The following NRXN1 variants were observed in gnomAD, a reference collection of about 807,000 sequenced individuals.
NRXN1 encodes the protein neurexin 1, also known as neurexin-1.
In NRXN1, 39 loss-of-function variants were observed where a neutral mutation model predicts 150.9. The ratio of observed to expected loss-of-function variants is 0.26; its 90% CI spans 0.20 to 0.34. The LOEUF is 0.34. Ranked by LOEUF, NRXN1 falls within the 10% of genes least tolerant of loss-of-function variation. NRXN1 has a pLI of 1.00. For synonymous variants in NRXN1, 924 were observed against 757.0 expected (o/e 1.22, Z -3.62); for missense variants, 1,815 against 1,949.9 (o/e 0.93, Z 1.30).
intron 17 of NRXN1, among the ~76,000 whole-genome samples, chr2:50,404,121 T>C (rs1300004567): frequency 6.6e-6 from 1 of 151,854 alleles, no homozygotes; most frequent in Non-Finnish European, 1.5e-5. Context: ...ACACCCTCTG[T>C]TGTGTCTTCT....
rs147573947 is a variant in NRXN1, at chr2:50,152,128, G to A, written c.3547-60634C>T. Among the ~76,000 whole-genome samples, 428 of 151,464 alleles carry A rather than the reference G, an allele frequency of 2.8e-3. 2 individuals carry two copies. Among genetic ancestry groups the A allele is most frequent in the Non-Finnish European group, 4.8e-3 (327 of 67,716 alleles). On this transcript the variant is annotated intron_variant, in intron 18 of 22. Coordinates refer to ENST00000401669, the MANE Select transcript of NRXN1 (RefSeq NM_001330078.2). ...AAGTGCACTCATATTGTTGTACAAC[G>A]GTCACCACCATGCATCTCAATAACT...
chr2:51,000,660 T>A (rs940559460), intron 2 of NRXN1, among the ~76,000 whole-genome samples: 4 of 151,956 alleles, frequency 2.6e-5, no homozygotes, highest in African/African-American at 7.2e-5. Flanking sequence ...AGTGAAGAAG[T>A]AGAAATAACA....
At chr2:50,100,547 C>G (rs1343209925) in intron 18 of NRXN1, among the ~76,000 whole-genome samples, 1 of 151,990 alleles carries the variant, frequency 6.6e-6, no homozygotes, top group East Asian at 1.9e-4. Context: ...AAAGCCAATA[C>G]TGGATTATTC....
At chr2:50,574,493 A>G (rs112805277) in intron 8 of NRXN1, among the ~76,000 whole-genome samples, 70 of 152,242 alleles carry the variant, frequency 4.6e-4, no homozygotes, top group African/African-American at 1.6e-3. Flanking sequence ...TTTCCTATGC[A>G]GGCAAAATCA....
intron 2 of NRXN1, among the ~76,000 whole-genome samples, chr2:50,979,714 CTG>C (rs533301800): frequency 1.1e-3 from 164 of 152,234 alleles, no homozygotes; most frequent in African/African-American, 3.9e-3. Flanking sequence ...ACTGAACACA[CTG>C]TACTTTCTCA....
chr2:50,299,076 T>C (rs1426982817), intron 17 of NRXN1, among the ~76,000 whole-genome samples: 6 of 152,156 alleles, frequency 3.9e-5, no homozygotes, highest in African/African-American at 7.2e-5. Context: ...TTTGGGGAAT[T>C]GGGCTACATA....
intron 21 of NRXN1, among the ~76,000 whole-genome samples, chr2:50,013,265 TAA>T (rs561290943): frequency 8.0e-4 from 100 of 125,304 alleles, no homozygotes; most frequent in East Asian, 4.1e-3. Context: ...ATATTACTAT[TAA>T]AGTTTCTTTT....
At chr2:50,864,059 CAG>C (rs148196501) in intron 5 of NRXN1, among the ~76,000 whole-genome samples, 2 of 152,094 alleles carry the variant, frequency 1.3e-5, no homozygotes, top group East Asian at 3.9e-4. Context: ...CTCCGCTGTG[CAG>C]AGATTTTCCG....
intron 17 of NRXN1, among the ~76,000 whole-genome samples, chr2:50,378,011 A>T (rs2080654250): frequency 6.6e-6 from 1 of 152,168 alleles, no homozygotes; most frequent in African/African-American, 2.4e-5. Context: ...GACTCTAGGC[A>T]TCTGCCAAGA....
intron 17 of NRXN1, among the ~76,000 whole-genome samples, chr2:50,282,350 G>C (rs2071572004): frequency 6.6e-6 from 1 of 152,116 alleles, no homozygotes; most frequent in African/African-American, 2.4e-5. Flanking sequence ...ATTAATCACA[G>C]CCTCAAACTA....
chr2:50,277,415 T>TCCTTCCTTCCTCCCTC (rs2152928497), intron 17 of NRXN1, among the ~76,000 whole-genome samples: 1 of 150,518 alleles, frequency 6.6e-6, no homozygotes, highest in Non-Finnish European at 1.5e-5. Context: ...CTCCTTCCCT[T>TCCTTCCTTCCTCCCTC]CCTTCCTTCC....
At chr2:50,898,978 A>G (rs932927776) in intron 5 of NRXN1, among the ~76,000 whole-genome samples, 12 of 152,066 alleles carry the variant, frequency 7.9e-5, no homozygotes, top group African/African-American at 2.9e-4. Context: ...AGATGACTCA[A>G]AGAAATACCT....
At chr2:50,404,433 T>C (rs186433269) in intron 17 of NRXN1, among the ~76,000 whole-genome samples, 1 of 152,202 alleles carries the variant, frequency 6.6e-6, no homozygotes, top group East Asian at 1.9e-4. Context: ...ACTGAGTTTT[T>C]AGGAAAGACA....
At chr2:50,636,412 G>T (rs1573910310) in intron 5 of NRXN1, among the ~76,000 whole-genome samples, 1 of 152,114 alleles carries the variant, frequency 6.6e-6, no homozygotes, top group Non-Finnish European at 1.5e-5. Context: ...GTCAGACTAA[G>T]TGATCTCCAA....
intron 17 of NRXN1, among the ~76,000 whole-genome samples, chr2:50,423,479 G>T (rs991282211): frequency 1.3e-5 from 2 of 151,914 alleles, no homozygotes; most frequent in Non-Finnish European, 1.5e-5. Context: ...CAAACACAAA[G>T]AAGTCACCTT....
At chr2:50,623,156 C>T (rs987894797) in intron 6 of NRXN1, among the ~76,000 whole-genome samples, 158 bp downstream of exon 6, 5 of 152,070 alleles carry the variant, frequency 3.3e-5, no homozygotes, top group African/African-American at 1.2e-4. Flanking sequence ...TATGCCCCTG[C>T]TCAAGTATGG....
At chr2:50,765,930 A>G (rs1396678773) in intron 5 of NRXN1, among the ~76,000 whole-genome samples, 1 of 152,034 alleles carries the variant, frequency 6.6e-6, no homozygotes, top group South Asian at 2.1e-4. Context: ...GAGAAACTAT[A>G]GTGAAAAGTC....
At chr2:50,715,768 T>C (rs1474159469) in intron 5 of NRXN1, among the ~76,000 whole-genome samples, 1 of 152,138 alleles carries the variant, frequency 6.6e-6, no homozygotes, top group Non-Finnish European at 1.5e-5. Context: ...AAGTCCCAAC[T>C]CAAATGCCAC....
chr2:50,696,894 T>C (rs1448134985), intron 5 of NRXN1, among the ~76,000 whole-genome samples: 1 of 152,224 alleles, frequency 6.6e-6, no homozygotes, highest in Non-Finnish European at 1.5e-5. Flanking sequence ...ACTGAGTTTA[T>C]TCACAATGAA....
Sources: allele counts gnomAD v4.1 joint callset (sites outside exome capture counted in the v4.1 genomes callset), GRCh38; gene constraint gnomAD v4.1.1; transcripts MANE v1.5; gene names NCBI Gene and HGNC (gene_info 2026-07-23, HGNC 2026-07-21).